PRMT8: variants seen among roughly 807,000 people sequenced by gnomAD.
The protein encoded by PRMT8 is protein arginine N-methyltransferase 8.
A neutral mutation model predicts 47.1 loss-of-function variants in PRMT8; 7 were observed. The observed-to-expected ratio is 0.15, with a 90% CI of 0.08 to 0.28. The LOEUF (loss-of-function observed/expected upper bound fraction) is 0.28. Ranked by LOEUF, PRMT8 falls within the 10% of genes least tolerant of loss-of-function variation. PRMT8 has a pLI of 1.00. For missense variants in PRMT8, 237 were observed against 505.4 expected (o/e 0.47, Z 5.09); for synonymous variants, 188 against 186.5 (o/e 1.01, Z -0.07).
rs192094589 is a variant in PRMT8, at chr12:3,427,880, C to T, written c.48+46438C>T. Among the ~76,000 whole-genome samples, 912 of 152,174 alleles carry T rather than the reference C, an allele frequency of 6.0e-3. 14 individuals carry two copies. The highest frequency in any genetic ancestry group is 0.021 in the African/African-American group (879 of 41,528). On this transcript the variant is annotated intron_variant, in intron 1 of 9. Coordinates refer to the PRMT8 transcript ENST00000452611. ...ATCATTCTTTTCCAAAGTGAACTTC[C>T]TTTATGTCTGTGGACTAGACTGTCC... is the stretch of plus-strand genomic sequence containing the variant.
chr12:3,459,988 C>T (rs1403380676), intron 1 of PRMT8, among the ~76,000 whole-genome samples: 2 of 152,212 alleles, frequency 1.3e-5, no homozygotes, highest in Non-Finnish European at 2.9e-5. Flanking sequence ...CCGTCATTCA[C>T]TTCACATGAA....
intron 7 of PRMT8, among the ~76,000 whole-genome samples, chr12:3,579,633 C>T (rs1469440264): frequency 6.6e-6 from 1 of 152,166 alleles, no homozygotes; most frequent in Non-Finnish European, 1.5e-5. Flanking sequence ...AGCCCTTCCG[C>T]CAGCTCTCTC....
intron 1 of PRMT8, among the ~76,000 whole-genome samples, chr12:3,513,416 T>TTG (rs1865742602): frequency 6.6e-6 from 1 of 152,200 alleles, no homozygotes; most frequent in Admixed American, 6.5e-5. Context: ...AGGGATTTTA[T>TTG]ATCTAGTTTG....
At position 3,552,412 on chromosome 12, in the gene PRMT8, C is replaced by T. The variant is rs928143245; in HGVS notation, c.418-1239C>T. 6 of 220,490 alleles carry T rather than the reference C, an allele frequency of 2.7e-5. No homozygotes were observed. Among genetic ancestry groups the T allele is most frequent in the South Asian group, 1.8e-4 (3 of 16,270 alleles). The allele number at this position is 220,490 out of a possible 1,614,324, so 13.7% of individuals were successfully genotyped here. A position where few individuals can be genotyped will look rare whatever the true frequency, so the allele number is the denominator to read the frequency against. On this transcript the variant is annotated intron_variant, in intron 3 of 9. Transcript: ENST00000382622. This position sits in a 1 kb window ranked among gnomAD's most constrained non-coding sequence, Gnocchi z 4.5. The stretch of plus-strand genomic sequence containing the variant: ...GTGCATTGGGGGCTTCGACTTCTCT[C>T]GGGAGGACACTGAGGCGCAGTTAGG...
chr12:3,486,452 A>G (rs1040331685), upstream of PRMT8, among the ~76,000 whole-genome samples: 58 of 152,300 alleles, frequency 3.8e-4, 1 homozygote, highest in Middle Eastern at 6.8e-3. Flanking sequence ...CAGAATACTT[A>G]GCACTTGCTT....
chr12:3,532,209 G>A (rs917948598), intron 1 of PRMT8, among the ~76,000 whole-genome samples: 29 of 150,982 alleles, frequency 1.9e-4, no homozygotes, highest in Non-Finnish European at 3.4e-4. Context: ...CCATAAATGT[G>A]ATAGTAGTAG....
intron 1 of PRMT8, among the ~76,000 whole-genome samples, chr12:3,398,805 G>T (rs1864289321): frequency 6.6e-6 from 1 of 152,208 alleles, no homozygotes; most frequent in Admixed American, 6.5e-5. Flanking sequence ...ATGACGTTAG[G>T]AGGCTCACCA....
At chr12:3,532,568 C>T (rs1387623974) in intron 1 of PRMT8, among the ~76,000 whole-genome samples, 7 of 131,436 alleles carry the variant, frequency 5.3e-5, no homozygotes, top group South Asian at 4.9e-4. Context: ...GCTGAGATCA[C>T]GCCACTGCAC....
chr12:3,423,442 C>G (rs988783649), intron 1 of PRMT8, among the ~76,000 whole-genome samples: 3 of 152,186 alleles, frequency 2.0e-5, no homozygotes, highest in Non-Finnish European at 4.4e-5. Context: ...ATCTTGTGCT[C>G]AAGTAGCAGG....
chr12:3,580,335 TGC>T lies in PRMT8; in HGVS notation c.829-2721_829-2720del, dbSNP rs1178919573. ...ATTCCTGCCAGATGGGGGGTGCGTG[TGC>T]GTGTGTGTGTGTGTGTGTGTGTGTG... On this transcript the variant is annotated intron_variant, in intron 7 of 9. Coordinates refer to ENST00000382622, the MANE Select transcript of PRMT8 (RefSeq NM_019854.5). This position sits in a 1 kb window ranked among gnomAD's most constrained non-coding sequence, Gnocchi z 4.6. Among the ~76,000 whole-genome samples, 2 of 108,256 alleles carry T rather than the reference TGC, an allele frequency of 1.8e-5. No homozygotes were observed. The highest frequency in any genetic ancestry group is 4.2e-5 in the Non-Finnish European group (2 of 47,726). 71.0% of individuals were successfully genotyped at this position (108,256 alleles called of 152,430 possible). A position where few individuals can be genotyped will look rare whatever the true frequency, so the allele number is the denominator to read the frequency against.
At chr12:3,529,080 A>G (rs1399391653) in intron 1 of PRMT8, among the ~76,000 whole-genome samples, 1 of 152,202 alleles carries the variant, frequency 6.6e-6, no homozygotes. Context: ...GAAGGCTTGC[A>G]GGGAACTCTT....
intron 8 of PRMT8, among the ~76,000 whole-genome samples, chr12:3,587,046 A>G (rs1377199354): frequency 1.3e-5 from 2 of 152,128 alleles, no homozygotes; most frequent in Non-Finnish European, 2.9e-5. Flanking sequence ...TATTCTGACA[A>G]CTGACCGAGT....
chr12:3,556,757 A>G (rs567226686), intron 4 of PRMT8, among the ~76,000 whole-genome samples: 24 of 152,334 alleles, frequency 1.6e-4, no homozygotes, highest in Admixed American at 5.2e-4. Flanking sequence ...GTGCAGGAAA[A>G]AGTAAATTCA....
chr12:3,448,163 A>AT (rs933191521), intron 1 of PRMT8, among the ~76,000 whole-genome samples: 2 of 151,968 alleles, frequency 1.3e-5, no homozygotes, highest in African/African-American at 2.4e-5. Flanking sequence ...TGCCTGACTG[A>AT]TTTTTTCTTT....
chr12:3,593,501 C>T lies in PRMT8; in HGVS notation c.*319C>T, dbSNP rs994714403. On this transcript the variant is annotated 3_prime_UTR_variant, in exon 10 of 10. Transcript: ENST00000382622. The surrounding 1 kb of genome is among the most constrained non-coding windows in gnomAD (Gnocchi z 4.8). ...CGTCTCCTCCTTAACTGTGACTCTC[C>T]GGGTCTTCTGAGTTTTGCATGCTGC... is the stretch of plus-strand genomic sequence containing the variant. 6 of 348,402 alleles carry T rather than the reference C, an allele frequency of 1.7e-5. No homozygotes were observed. Among genetic ancestry groups the T allele is most frequent in the Non-Finnish European group, 3.2e-5 (6 of 189,078 alleles). The allele number at this position is 348,402 out of a possible 1,614,324, so 21.6% of individuals were successfully genotyped here. A position where few individuals can be genotyped will look rare whatever the true frequency, so the allele number is the denominator to read the frequency against.
In PRMT8 at chr12:3,557,493, T is replaced by C. The variant is rs1866547629; in HGVS notation, c.481+3779T>C. ...AGTAGGGGGATGCTGCTCAGACCCC[T>C]TGGCCTCTGGCTTGGTGTCCAGCCT... On this transcript the variant is annotated intron_variant, in intron 4 of 9. Coordinates refer to ENST00000382622, the MANE Select transcript of PRMT8 (RefSeq NM_019854.5). This position sits in a 1 kb window ranked among gnomAD's most constrained non-coding sequence, Gnocchi z 4.7. Among the ~76,000 whole-genome samples, 1 of 152,202 alleles carries C rather than the reference T, an allele frequency of 6.6e-6. No homozygotes were observed.
chr12:3,489,825 A>G (rs1051603363), upstream of PRMT8, among the ~76,000 whole-genome samples: 59 of 143,158 alleles, frequency 4.1e-4, no homozygotes, highest in African/African-American at 1.5e-3. Flanking sequence ...ACACACACAC[A>G]CACACACACG....
chr12:3,439,635 G>A (rs1420682292), intron 1 of PRMT8, among the ~76,000 whole-genome samples: 1 of 152,126 alleles, frequency 6.6e-6, no homozygotes, highest in Non-Finnish European at 1.5e-5. Context: ...CTTTTCAAGA[G>A]TCAGGAGTTC....
intron 1 of PRMT8, among the ~76,000 whole-genome samples, chr12:3,517,703 A>G (rs1269901569): frequency 6.6e-6 from 1 of 152,084 alleles, no homozygotes; most frequent in Admixed American, 6.5e-5. Flanking sequence ...TGAGAAACTG[A>G]AATTCTAGGC....
Sources: allele counts gnomAD v4.1 joint callset (sites outside exome capture counted in the v4.1 genomes callset), GRCh38; gene constraint gnomAD v4.1.1; non-coding constraint Gnocchi (gnomAD v3.1); transcripts MANE v1.5; gene names NCBI Gene and HGNC (gene_info 2026-07-23, HGNC 2026-07-21).